Variants in MAP6 observed in about 807,000 individuals in gnomAD.
MAP6 encodes the protein microtubule associated protein 6.
A neutral mutation model predicts 42.4 loss-of-function variants in MAP6; 26 were observed. The observed-to-expected ratio is 0.61, with a 90% confidence interval of 0.45 to 0.85. The LOEUF (loss-of-function observed/expected upper bound fraction) is 0.85, where lower values mean the gene tolerates loss of function less well. Among genes scored for constraint, MAP6 ranks in the 40% least tolerant of loss-of-function variants. The pLI, the probability that MAP6 is intolerant of heterozygous loss-of-function variation, is 0.00. For missense variants in MAP6, 966 were observed against 1,099.0 expected (o/e 0.88, Z 1.71); for synonymous variants, 418 against 443.8 (o/e 0.94, Z 0.73).
intron 1 of MAP6, among the ~76,000 whole-genome samples, chr11:75,654,344 T>C (rs1943699858): frequency 1.3e-5 from 2 of 152,196 alleles, no homozygotes; most frequent in South Asian, 4.1e-4. Flanking sequence ...GAATTTATAG[T>C]TCCTAATCTT....
intron 1 of MAP6, among the ~76,000 whole-genome samples, chr11:75,611,108 C>T (rs922751017): frequency 1.3e-5 from 2 of 152,192 alleles, no homozygotes; most frequent in East Asian, 1.9e-4. Flanking sequence ...CTGTGGCCAC[C>T]GTTACCTGCC....
chr11:75,603,810 GTAAA>G, intron 3 of MAP6: 1 of 985,378 alleles, frequency 1.0e-6, no homozygotes, highest in Non-Finnish European at 1.2e-6. Flanking sequence ...CCTGTGCATT[GTAAA>G]CTCTGATTTA....
intron 1 of MAP6, among the ~76,000 whole-genome samples, chr11:75,611,377 T>C (rs1415576186): frequency 6.6e-6 from 1 of 152,232 alleles, no homozygotes. Flanking sequence ...GCCTCCTGCA[T>C]CCCTGCAGTG....
At chr11:75,621,171 C>T (rs1346115589) in intron 1 of MAP6, among the ~76,000 whole-genome samples, 3 of 151,656 alleles carry the variant, frequency 2.0e-5, no homozygotes, top group Non-Finnish European at 4.4e-5. Flanking sequence ...AATCTAACAC[C>T]CTTTCATGAT....
intron 3 of MAP6, among the ~76,000 whole-genome samples, chr11:75,600,817 G>C (rs1423319512): frequency 6.6e-6 from 1 of 152,232 alleles, no homozygotes; most frequent in Non-Finnish European, 1.5e-5. Context: ...TCAAATCTAT[G>C]AGAAGTGAGA....
At chr11:75,642,807 A>C in intron 1 of MAP6, 1 of 416,858 alleles carries the variant, frequency 2.4e-6, no homozygotes, top group South Asian at 1.9e-5. Flanking sequence ...ACACCTAAAA[A>C]TTGTCACCGC....
chr11:75,587,830 C>A lies in MAP6; in HGVS notation c.1671G>T (p.Glu557Asp). 2 of 1,614,162 alleles carry A rather than the reference C, an allele frequency of 1.2e-6. No individual in the cohort carries two copies. The highest frequency in any genetic ancestry group is 1.7e-6 in the Non-Finnish European group (2 of 1,180,024). ...TCCTAGGACCTTGATCCTTTAGAGACTCTGGTACCACAGAGCCTTGATCCT... is the reference window on the plus strand; with the variant it reads ...TCCTAGGACCTTGATCCTTTAGAGAATCTGGTACCACAGAGCCTTGATCCT... ...KVKDQGSVVPESLKDQGPRIP... is the reference protein window; with the variant it reads ...KVKDQGSVVPDSLKDQGPRIP... Residue 557 changes from glutamate (E) to aspartate (D), a missense_variant, in exon 4 of 4, where the codon GAG becomes GAT. Around this residue, in one of 2 missense-constraint regions of MAP6, gnomAD observed 943 missense variants for 1,049.9 expected, o/e 0.90. Coordinates refer to ENST00000304771, the MANE Select transcript of MAP6 (RefSeq NM_033063.2).
chr11:75,655,300 GGATA>G (rs1482186161), intron 1 of MAP6, among the ~76,000 whole-genome samples: 15 of 152,216 alleles, frequency 9.9e-5, no homozygotes, highest in Admixed American at 9.8e-4. Flanking sequence ...AAGCCCTGAA[GGATA>G]GAAAGGATTT....
intron 3 of MAP6, 112 bp downstream of exon 3, chr11:75,605,696 T>G: frequency 2.0e-6 from 3 of 1,520,768 alleles, no homozygotes; most frequent in Non-Finnish European, 2.6e-6. Context: ...CCAAGGCAGA[T>G]GAGAAGCCTC....
chr11:75,606,114 T>C, intron 2 of MAP6, 110 bp from the exon 3 acceptor site: 1 of 1,343,664 alleles, frequency 7.4e-7, no homozygotes, highest in Non-Finnish European at 1.0e-6. Flanking sequence ...ATGACAGAGG[T>C]TGGCTCAGGT....
intron 3 of MAP6, among the ~76,000 whole-genome samples, chr11:75,597,900 C>T (rs2135577670): frequency 6.6e-6 from 1 of 152,324 alleles, no homozygotes; most frequent in East Asian, 1.9e-4. Flanking sequence ...AGCTGCCATA[C>T]TGTTAGGGAC....
At chr11:75,606,599 G>A (rs1338473365) in intron 2 of MAP6, among the ~76,000 whole-genome samples, 6 of 152,120 alleles carry the variant, frequency 3.9e-5, no homozygotes, top group African/African-American at 9.7e-5. Flanking sequence ...GCGGTGGGTC[G>A]CTGCAGCACC....
intron 1 of MAP6, among the ~76,000 whole-genome samples, chr11:75,651,015 C>G (rs924231213): frequency 1.3e-5 from 2 of 152,196 alleles, no homozygotes; most frequent in South Asian, 2.1e-4. Flanking sequence ...CAATCCCCAT[C>G]ATTATCATCA....
intron 3 of MAP6, among the ~76,000 whole-genome samples, chr11:75,590,271 G>A (rs1942454035): frequency 6.6e-6 from 1 of 152,210 alleles, no homozygotes; most frequent in East Asian, 1.9e-4. Flanking sequence ...AGCGACCTGG[G>A]TGGTGTCCTC....
At chr11:75,636,467 T>C (rs968118553) in intron 1 of MAP6, among the ~76,000 whole-genome samples, 1 of 152,230 alleles carries the variant, frequency 6.6e-6, no homozygotes, top group Non-Finnish European at 1.5e-5. Flanking sequence ...TTTTTTACTC[T>C]GATGTTTTGG....
chr11:75,587,535 C>T lies in MAP6; in HGVS notation c.1966G>A (p.Ala656Thr). The change falls in exon 4 of 4, where the codon GCA (alanine) becomes ACA (threonine). Residue 656 changes from alanine (A) to threonine (T), a missense_variant. Coordinates refer to ENST00000304771, the MANE Select transcript of MAP6 (RefSeq NM_033063.2). Reference sequence around the variant, plus strand: ...ATGGAACCTTGATTCTTTATGGGTGCTGTGGCCATGGCACTTTCATCCTTC... The same window carrying T: ...ATGGAACCTTGATTCTTTATGGGTGTTGTGGCCATGGCACTTTCATCCTTC... ...HPKDESAMAT[A>T]PIKNQGSMVS... The T allele has an allele frequency of 1.2e-6, 2 of 1,614,180 alleles. No individual in the cohort carries two copies. Among genetic ancestry groups the T allele is most frequent in the Non-Finnish European group, 1.7e-6 (2 of 1,180,032 alleles).
At chr11:75,643,911 A>AAT (rs1236522485) in intron 1 of MAP6, among the ~76,000 whole-genome samples, 1 of 152,208 alleles carries the variant, frequency 6.6e-6, no homozygotes, top group Non-Finnish European at 1.5e-5. Flanking sequence ...TGAATGGATG[A>AAT]ATAGATGGAT....
At chr11:75,636,161 A>C (rs932384878) in intron 1 of MAP6, 5 of 152,078 alleles carry the variant, frequency 3.3e-5, no homozygotes, top group African/African-American at 1.2e-4. Context: ...CATGAGAGAA[A>C]CTCTAAGATA....
rs1419052609 is a variant in MAP6 at position 75,668,337 on chromosome 11, G to A, written c.33C>T (p.Cys11=). The A allele has an allele frequency of 1.9e-6, 3 of 1,577,588 alleles. No homozygotes were observed. In the Admixed American group the frequency reaches 5.1e-5, roughly 27 times the overall value. The change falls in exon 1 of 4, where the codon TGC becomes TGT. Residue 11 remains cysteine, a synonymous_variant. Coordinates refer to ENST00000304771, the MANE Select transcript of MAP6 (RefSeq NM_033063.2). MAWPCITRAC[C]IARFWNQLDK... ...CCAACTGGTTCCAGAAGCGGGCGAT[G>A]CAGCAGGCCCTCGTGATGCACGGCC...
Sources: gnomAD v4.1 joint callset for allele counts (sites outside exome capture counted in the v4.1 genomes callset) on GRCh38, gnomAD v4.1.1 for gene constraint, gnomAD v4.1.1 regional missense constraint, MANE v1.5 for transcripts, NCBI Gene and HGNC (gene_info 2026-07-23, HGNC 2026-07-21) for gene names.